The following VPS13A variants were observed in gnomAD, a reference collection of about 807,000 sequenced individuals.
The protein encoded by VPS13A is vacuolar protein sorting 13 homolog A.
In VPS13A, 264 loss-of-function variants were observed where a neutral mutation model predicts 390.9. That is an observed-to-expected ratio of 0.68 (90% CI 0.61 to 0.75). The LOEUF (loss-of-function observed/expected upper bound fraction) is 0.75. Among genes scored for constraint, VPS13A ranks in the 30% least tolerant of loss-of-function variants. The pLI is 0.00. For missense variants in VPS13A, 3,409 were observed against 3,733.9 expected (o/e 0.91, Z 2.27); for synonymous variants, 1,231 against 1,227.1 (o/e 1.00, Z -0.07).
At position 77,323,215 on chromosome 9, in the gene VPS13A, C is replaced by G. The variant is rs41289971; in HGVS notation, c.5979C>G (p.Arg1993=). 1 of 1,612,934 alleles carries G rather than the reference C, an allele frequency of 6.2e-7. No homozygotes were observed. The highest frequency in any genetic ancestry group is 1.3e-5 in the African/African-American group (1 of 74,844). The change falls in exon 45 of 72, where the codon CGC becomes CGG. Residue 1993 remains arginine, a synonymous_variant. Transcript: ENST00000360280. The stretch of plus-strand genomic sequence containing the variant: ...AAGGAAGTAAGAAGGTCACAATTCG[C>G]TCCCCAGTGCAGGTATGAAATGATC... ...TVEGSKKVTI[R]SPVQIRNHFS...
chr9:77,199,918 T>G, intron 1 of VPS13A, 27 bp from the exon 2 acceptor site: 1 of 1,578,612 alleles, frequency 6.3e-7, no homozygotes, highest in Non-Finnish European at 8.6e-7. Context: ...ATTTGATTGT[T>G]TGAATCTTTT....
At chr9:77,338,971 A>G (rs1231803278) in intron 47 of VPS13A, 1 of 161,674 alleles carries the variant, frequency 6.2e-6, no homozygotes, top group Non-Finnish European at 1.3e-5. Flanking sequence ...GACGTCATAT[A>G]GTGACATGAA....
intron 63 of VPS13A, 45 bp downstream of exon 63, chr9:77,369,457 T>C (rs1832624803): frequency 8.4e-7 from 1 of 1,192,916 alleles, no homozygotes. Flanking sequence ...CACTAATACT[T>C]TTGAATAGAT....
intron 46 of VPS13A, among the ~76,000 whole-genome samples, chr9:77,336,259 C>T (rs866259546): frequency 1.3e-5 from 2 of 151,922 alleles, no homozygotes; most frequent in South Asian, 2.1e-4. Context: ...TGTAGATGAT[C>T]GATTGATGGC....
intron 65 of VPS13A, 90 bp downstream of exon 65, chr9:77,370,668 C>A: frequency 6.4e-7 from 1 of 1,556,968 alleles, no homozygotes; most frequent in Non-Finnish European, 8.8e-7. Flanking sequence ...ATGATTCTCA[C>A]TCCTTAAATT....
chr9:77,240,327 T>C (rs1411698451), intron 19 of VPS13A, among the ~76,000 whole-genome samples: 1 of 151,686 alleles, frequency 6.6e-6, no homozygotes, highest in Admixed American at 6.6e-5. Flanking sequence ...CCTCAGATGA[T>C]CTATCCTCCT....
chr9:77,177,605 C>T lies in VPS13A; in HGVS notation c.-100C>T, dbSNP rs1286832091. ...GGGGGCGCCGCAGCTGAAGCCGCCC[C>T]GGAGCCGGTGAACCGAATTACCTCG... On this transcript the variant is annotated 5_prime_UTR_variant, in exon 1 of 72. Transcript: ENST00000360280. 40 of 1,145,944 alleles carry T rather than the reference C, an allele frequency of 3.5e-5. No individual in the cohort carries two copies. The highest frequency in any genetic ancestry group is 5.0e-5 in the Non-Finnish European group (39 of 784,616). 71.0% of individuals were successfully genotyped at this position (1,145,944 alleles called of 1,614,324 possible). A position where few individuals can be genotyped will look rare whatever the true frequency, so the allele number is the denominator to read the frequency against.
intron 19 of VPS13A, among the ~76,000 whole-genome samples, chr9:77,242,254 G>A (rs1404685532): frequency 2.0e-5 from 3 of 151,930 alleles, no homozygotes; most frequent in East Asian, 3.9e-4. Flanking sequence ...ATTTTCCTTT[G>A]TTCTCTTTCC....
At chr9:77,301,961 T>C (rs1828386292) in intron 33 of VPS13A, among the ~76,000 whole-genome samples, 1 of 152,088 alleles carries the variant, frequency 6.6e-6, no homozygotes, top group Non-Finnish European at 1.5e-5. Context: ...AGAGATATTT[T>C]TTTTTTTTTT....
intron 17 of VPS13A, among the ~76,000 whole-genome samples, chr9:77,228,602 T>A (rs964577982): frequency 6.6e-6 from 1 of 152,202 alleles, no homozygotes; most frequent in Non-Finnish European, 1.5e-5. Context: ...ACCCTACAAT[T>A]CATTTAAAGT....
chr9:77,187,691 C>T (rs1026645181), intron 1 of VPS13A, among the ~76,000 whole-genome samples: 2 of 151,746 alleles, frequency 1.3e-5, no homozygotes, highest in African/African-American at 4.8e-5. Flanking sequence ...TTGTGTGTTA[C>T]CTTTTCTTCC....
intron 23 of VPS13A, among the ~76,000 whole-genome samples, chr9:77,270,874 A>C (rs780945655): frequency 5.3e-5 from 8 of 152,356 alleles, no homozygotes; most frequent in South Asian, 4.1e-4. Flanking sequence ...AACTTGAAGC[A>C]TAGACCTAAA....
At chr9:77,286,056 A>G (rs1827304687) in intron 31 of VPS13A, among the ~76,000 whole-genome samples, 1 of 152,214 alleles carries the variant, frequency 6.6e-6, no homozygotes, top group South Asian at 2.1e-4. Context: ...GGGGTTGGCA[A>G]GATACTTCAT....
At chr9:77,272,393 G>A (rs1826401945) in intron 23 of VPS13A, among the ~76,000 whole-genome samples, 1 of 152,186 alleles carries the variant, frequency 6.6e-6, no homozygotes, top group African/African-American at 2.4e-5. Flanking sequence ...GGCATATCAA[G>A]GATGTTTATA....
Position 77,280,212 on chromosome 9 carries a change from G to T in VPS13A, c.2878G>T (p.Asp960Tyr). 6.2e-7 allele frequency: 1 copy of T among 1,612,848 alleles called. No homozygotes were observed. Among genetic ancestry groups the T allele is most frequent in the South Asian group, 1.1e-5 (1 of 91,002 alleles). The change falls in exon 27 of 72, where the codon GAC (aspartate) becomes TAC (tyrosine). Residue 960 changes from aspartate to tyrosine, a missense_variant. This residue lies in a region of VPS13A where 2,717 missense variants were observed against 2,917.4 expected (regional missense o/e 0.93). Transcript: ENST00000360280. ...LVTTLDNTMEDLLTLEYVKAE... is the reference protein window; with the variant it reads ...LVTTLDNTMEYLLTLEYVKAE... ...TACAACCCTGGATAACACAATGGAAGACCTGTTAACGCTGGAATATGTAAA... is the reference window on the plus strand; with the variant it reads ...TACAACCCTGGATAACACAATGGAATACCTGTTAACGCTGGAATATGTAAA...
rs143021112 is a variant in VPS13A at position 77,318,543 on chromosome 9, C to T, written c.5265C>T (p.Gly1755=). Residue 1755 remains glycine (G), a synonymous_variant, in exon 41 of 72, where the codon GGC becomes GGT. Transcript: ENST00000360280. Reference sequence around the variant, plus strand: ...CAAAGTCACGTTTTTCAGGGGAAGGCAAAAACTGGAGTTCCCTAATAAATC... The same window carrying T: ...CAAAGTCACGTTTTTCAGGGGAAGGTAAAAACTGGAGTTCCCTAATAAATC... ...LLAKSRFSGE[G]KNWSSLINLH... is the part of the protein sequence containing the mutation. 1.5e-4 allele frequency: 238 copies of T among 1,613,702 alleles called. No individual in the cohort carries two copies. The African/African-American group carries it at 2.8e-3, about 19-fold the overall frequency.
chr9:77,185,027 C>G (rs1436567672), intron 1 of VPS13A, among the ~76,000 whole-genome samples: 1 of 151,968 alleles, frequency 6.6e-6, no homozygotes, highest in African/African-American at 2.4e-5. Flanking sequence ...AGGTGCGAAC[C>G]CTGATTTATA....
chr9:77,296,612 T>C (rs1003064789), intron 33 of VPS13A, among the ~76,000 whole-genome samples: 15 of 152,116 alleles, frequency 9.9e-5, no homozygotes, highest in African/African-American at 3.4e-4. Context: ...CTTTGATCAA[T>C]TGTATATTTT....
intron 32 of VPS13A, among the ~76,000 whole-genome samples, chr9:77,294,680 A>G (rs533362172): frequency 6.6e-6 from 1 of 152,236 alleles, no homozygotes; most frequent in Admixed American, 6.5e-5. Flanking sequence ...GTAAAGATAA[A>G]CAAGTATTCC....
Sources: allele counts gnomAD v4.1 joint callset (sites outside exome capture counted in the v4.1 genomes callset), GRCh38; gene constraint gnomAD v4.1.1; regional missense constraint gnomAD v4.1.1; transcripts MANE v1.5; gene names NCBI Gene and HGNC (gene_info 2026-07-23, HGNC 2026-07-21).